PCDHA6: variants seen among roughly 807,000 people sequenced by gnomAD.
The protein encoded by PCDHA6 is protocadherin alpha-6.
Under a neutral mutation model 60.3 loss-of-function variants are expected in PCDHA6, and 55 were observed. That is an observed-to-expected ratio of 0.91 (90% CI 0.73 to 1.14). The LOEUF (loss-of-function observed/expected upper bound fraction) is 1.14, where lower values mean the gene tolerates loss of function less well. Ranked by LOEUF, PCDHA6 falls within the 50% of genes most tolerant of loss-of-function variation. The pLI is 0.00. For missense variants in PCDHA6, 1,327 were observed against 1,256.5 expected, an observed-to-expected ratio of 1.06 and a Z score of -0.85; for synonymous variants, 652 against 557.9, an observed-to-expected ratio of 1.17 and a Z score of -2.38.
At chr5:141,009,501 C>G in intron 3 of PCDHA6, 126 bp from the exon 4 acceptor site, 2 of 1,492,598 alleles carry the variant, frequency 1.3e-6, no homozygotes, top group Non-Finnish European at 1.8e-6. Context: ...CAGACTTGAA[C>G]AAACAACTCG....
Position 140,871,064 on chromosome 5 carries a change from G to A in PCDHA6, c.2394+40579G>A, listed in dbSNP as rs369373152. The A allele has an allele frequency of 5.6e-6, 9 of 1,613,116 alleles. No individual in the cohort carries two copies. Among genetic ancestry groups the A allele is most frequent in the Middle Eastern group, 1.6e-4 (1 of 6,084 alleles). ...CTTCTAGTACTGGTGAAGGATCACG[G>A]TGAGCCGGCGCTGACGGCCACGGCC... On this transcript the variant is annotated intron_variant, in intron 1 of 3. Coordinates refer to ENST00000529310, the MANE Select transcript of PCDHA6 (RefSeq NM_018909.4).
At chr5:141,003,928 G>A (rs1479798792) in intron 3 of PCDHA6, among the ~76,000 whole-genome samples, 1 of 152,128 alleles carries the variant, frequency 6.6e-6, no homozygotes, top group Non-Finnish European at 1.5e-5. Context: ...CCTCAGTCTT[G>A]TCTTTGCCTG....
intron 1 of PCDHA6, among the ~76,000 whole-genome samples, chr5:140,940,939 C>T (rs930086780): frequency 2.0e-5 from 3 of 152,154 alleles, no homozygotes; most frequent in African/African-American, 2.4e-5. Context: ...ACTTAGACTA[C>T]GTATTCTCAG....
At chr5:140,894,236 T>C (rs1205163436) in intron 1 of PCDHA6, among the ~76,000 whole-genome samples, 7 of 152,250 alleles carry the variant, frequency 4.6e-5, no homozygotes, top group South Asian at 2.1e-4. Context: ...TGAATGACAA[T>C]GTAATTTTCT....
At position 140,835,969 on chromosome 5, in the gene PCDHA6, A is replaced by G; in HGVS notation, c.2394+5484A>G. 6.2e-7 allele frequency: 1 copy of G among 1,613,162 alleles called. No homozygotes were observed. The highest frequency in any genetic ancestry group is 1.7e-5 in the Admixed American group (1 of 60,006). On this transcript the variant is annotated intron_variant, in intron 1 of 3. Transcript: ENST00000529310. ...CAGCCGTTGGACCACGAGGAGCTGG[A>G]GCTGTTGCAGTTCCAGGTGAGCGCG... is the stretch of plus-strand genomic sequence containing the variant.
intron 1 of PCDHA6, 195 bp downstream of exon 1, chr5:140,830,680 T>C (rs2150188813): frequency 4.9e-5 from 17 of 346,496 alleles, no homozygotes; most frequent in African/African-American, 3.6e-4. Context: ...TAGAAATCAC[T>C]GTCCACAATC....
intron 1 of PCDHA6, chr5:140,870,820 G>C (rs1554164732): frequency 1.9e-6 from 3 of 1,613,630 alleles, no homozygotes; most frequent in African/African-American, 1.3e-5. Context: ...TGGCAGCGCG[G>C]GAGGCGCAGT....
At chr5:140,968,460 C>T (rs1554230749) in intron 1 of PCDHA6, 3 of 1,613,978 alleles carry the variant, frequency 1.9e-6, no homozygotes, top group Non-Finnish European at 2.5e-6. Context: ...ACTGTGACTG[C>T]CAACGTATAT....
At chr5:140,875,925 T>C in intron 1 of PCDHA6, 2 of 1,614,142 alleles carry the variant, frequency 1.2e-6, no homozygotes. Context: ...TGGACTCTCA[T>C]TTTCCTCTAG....
intron 1 of PCDHA6, chr5:140,884,140 G>C: frequency 6.2e-7 from 1 of 1,613,412 alleles, no homozygotes; most frequent in Non-Finnish European, 8.5e-7. Context: ...CGTTCCGCGT[G>C]GGGCTGTACA....
chr5:140,862,825 C>T (rs782012901), intron 1 of PCDHA6: 2 of 572,056 alleles, frequency 3.5e-6, no homozygotes, highest in Non-Finnish European at 6.7e-6. Context: ...GGTGAGAGCG[C>T]GCGACGCGGG....
Position 141,011,847 on chromosome 5 carries a change from T to C in PCDHA6, c.*1910T>C, listed in dbSNP as rs745912784. 2.0e-5 allele frequency: 3 copies of C among 153,780 alleles called. No individual in the cohort carries two copies. Among genetic ancestry groups the C allele is most frequent in the Non-Finnish European group, 4.4e-5 (3 of 68,052 alleles). The allele number at this position is 153,780 out of a possible 1,614,324, so 9.5% of individuals were successfully genotyped here. ...ATTTGCTGTCACCTTAAATAAGACA[T>C]TTTAATTTTGTTATAATGTACAATT... On this transcript the variant is annotated 3_prime_UTR_variant, in exon 4 of 4. Coordinates refer to ENST00000529310, the MANE Select transcript of PCDHA6 (RefSeq NM_018909.4).
intron 3 of PCDHA6, among the ~76,000 whole-genome samples, chr5:141,006,960 G>A (rs1183082923): frequency 6.6e-6 from 1 of 152,184 alleles, no homozygotes; most frequent in Non-Finnish European, 1.5e-5. Flanking sequence ...TTATACATGA[G>A]ATTGGAGCAC....
chr5:140,869,588 T>TC, intron 1 of PCDHA6: 1 of 1,614,114 alleles, frequency 6.2e-7, no homozygotes. Context: ...GATGCTGACA[T>TC]TGAAGAGAAT....
At chr5:140,869,609 C>T (rs1554163287) in intron 1 of PCDHA6, 1 of 1,613,972 alleles carries the variant, frequency 6.2e-7, no homozygotes, top group Non-Finnish European at 8.5e-7. Flanking sequence ...GCTCTATTGA[C>T]CTACAGGCTA....
intron 1 of PCDHA6, among the ~76,000 whole-genome samples, chr5:140,934,702 C>T (rs538683438): frequency 1.3e-5 from 2 of 152,158 alleles, no homozygotes; most frequent in South Asian, 4.2e-4. Context: ...GATTCCTGGC[C>T]ATCTTACAAA....
intron 1 of PCDHA6, among the ~76,000 whole-genome samples, chr5:140,930,720 A>T (rs574022781): frequency 5.3e-5 from 8 of 152,226 alleles, no homozygotes; most frequent in Non-Finnish European, 8.8e-5. Flanking sequence ...TCAAGTAATG[A>T]TGTTAACTGC....
At chr5:140,999,836 A>G (rs1554257003) in intron 3 of PCDHA6, among the ~76,000 whole-genome samples, 1 of 152,210 alleles carries the variant, frequency 6.6e-6, no homozygotes, top group African/African-American at 2.4e-5. Flanking sequence ...AAAATATGCC[A>G]AGTGTATTTA....
intron 1 of PCDHA6, chr5:140,882,695 G>T: frequency 6.2e-7 from 1 of 1,614,192 alleles, no homozygotes; most frequent in Non-Finnish European, 8.5e-7. Flanking sequence ...AATAATCATT[G>T]CAGAATCTAG....
Sources: gnomAD v4.1 joint callset for allele counts (sites outside exome capture counted in the v4.1 genomes callset) on GRCh38, gnomAD v4.1.1 for gene constraint, MANE v1.5 for transcripts, NCBI Gene and HGNC (gene_info 2026-07-23, HGNC 2026-07-21) for gene names.